HEMK2: variants seen among roughly 807,000 people sequenced by gnomAD.
HEMK2 encodes HemK methyltransferase 2, ETF1 glutamine and histone H4 lysine, also known as methyltransferase HEMK2.
chr21:28,820,481 A>G, the HEMK2 span, among the ~76,000 whole-genome samples: 1 of 152,120 alleles, frequency 6.6e-6, no homozygotes, highest in African/African-American at 2.4e-5. Context: ...CCAAGAGACC[A>G]CTGTATGTTC....
At chr21:28,739,840 G>A in the HEMK2 span, among the ~76,000 whole-genome samples, 3 of 152,152 alleles carry the variant, frequency 2.0e-5, no homozygotes, top group Non-Finnish European at 2.9e-5. Context: ...CAGGAAAGAA[G>A]GTTAAATACA....
chr21:28,851,734 T>C, the HEMK2 span, among the ~76,000 whole-genome samples: 23,621 of 152,120 alleles, frequency 0.16, 2,261 homozygotes, highest in East Asian at 0.49. Flanking sequence ...AATAGACCAG[T>C]GTTATATCTT....
chr21:28,750,287 T>G, the HEMK2 span, among the ~76,000 whole-genome samples: 1 of 152,244 alleles, frequency 6.6e-6, no homozygotes, highest in South Asian at 2.1e-4. Flanking sequence ...TAGCTGTAAG[T>G]AATCTATTCT....
the HEMK2 span, among the ~76,000 whole-genome samples, chr21:28,835,940 GA>G: frequency 0.12 from 17,181 of 147,778 alleles, 1,173 homozygotes; most frequent in South Asian, 0.18. Context: ...CAAAGACAAA[GA>G]AAAAAAAAAT....
At chr21:28,843,842 A>G in the HEMK2 span, among the ~76,000 whole-genome samples, 3 of 152,160 alleles carry the variant, frequency 2.0e-5, no homozygotes, top group Admixed American at 6.6e-5. Flanking sequence ...CCAGCTTCAC[A>G]TAGTAGTAAA....
chr21:28,785,182 A>G, the HEMK2 span, among the ~76,000 whole-genome samples: 1 of 152,130 alleles, frequency 6.6e-6, no homozygotes, highest in African/African-American at 2.4e-5. Context: ...CTCCGGACAC[A>G]CCACCTTTAA....
At chr21:28,643,328 C>T in the HEMK2 span, among the ~76,000 whole-genome samples, 1 of 152,076 alleles carries the variant, frequency 6.6e-6, no homozygotes, top group Non-Finnish European at 1.5e-5. Flanking sequence ...GGGATTAGTA[C>T]CCTTATAAAA....
At chr21:28,816,390 C>G in the HEMK2 span, among the ~76,000 whole-genome samples, 1 of 152,192 alleles carries the variant, frequency 6.6e-6, no homozygotes, top group African/African-American at 2.4e-5. Context: ...AGTTATCCAG[C>G]TGGGCACAGT....
the HEMK2 span, among the ~76,000 whole-genome samples, chr21:28,882,752 C>T: frequency 0.81 from 123,502 of 152,134 alleles, 50,880 homozygotes; most frequent in South Asian, 0.93. Context: ...TATCAAATTA[C>T]TTAGCTAAGA....
chr21:28,724,322 G>A, the HEMK2 span, among the ~76,000 whole-genome samples: 1 of 152,084 alleles, frequency 6.6e-6, no homozygotes, highest in Non-Finnish European at 1.5e-5. Context: ...TTGTTTATAA[G>A]CTTTATACCA....
At chr21:28,597,966 G>A in the HEMK2 span, among the ~76,000 whole-genome samples, 1 of 152,170 alleles carries the variant, frequency 6.6e-6, no homozygotes, top group African/African-American at 2.4e-5. Flanking sequence ...AGCAACAAAA[G>A]AAGCATGAAC....
chr21:28,880,909 A>C, the HEMK2 span, among the ~76,000 whole-genome samples: 2 of 146,484 alleles, frequency 1.4e-5, no homozygotes, highest in South Asian at 4.3e-4. Flanking sequence ...ATTCCTTCTA[A>C]GCTACAAAAT....
chr21:28,735,245 G>T, the HEMK2 span, among the ~76,000 whole-genome samples: 1 of 152,182 alleles, frequency 6.6e-6, no homozygotes, highest in Non-Finnish European at 1.5e-5. Flanking sequence ...CAGAAGTCTA[G>T]TACAATAGGA....
the HEMK2 span, among the ~76,000 whole-genome samples, chr21:28,595,308 A>T: frequency 1.3e-5 from 2 of 151,534 alleles, no homozygotes; most frequent in African/African-American, 2.4e-5. Flanking sequence ...CCGCCCCCAC[A>T]TCCCCCTAGC....
the HEMK2 span, among the ~76,000 whole-genome samples, chr21:28,827,141 C>T: frequency 6.6e-6 from 1 of 152,118 alleles, no homozygotes; most frequent in Admixed American, 6.5e-5. Flanking sequence ...GGCAGAAAGG[C>T]TACAAAGTCT....
At chr21:28,624,217 GA>G in the HEMK2 span, among the ~76,000 whole-genome samples, 2 of 152,158 alleles carry the variant, frequency 1.3e-5, no homozygotes, top group Non-Finnish European at 2.9e-5. Context: ...GAAGCACAGA[GA>G]AAAAATTACA....
chr21:28,682,963 G>C, the HEMK2 span, among the ~76,000 whole-genome samples: 1 of 151,964 alleles, frequency 6.6e-6, no homozygotes, highest in Non-Finnish European at 1.5e-5. Context: ...AAGTTAATGG[G>C]TGCAGCACAC....
chr21:28,646,231 C>T, the HEMK2 span, among the ~76,000 whole-genome samples: 1 of 152,154 alleles, frequency 6.6e-6, no homozygotes, highest in Non-Finnish European at 1.5e-5. Context: ...GCTCCTTCCT[C>T]CTGCATCAAC....
At chr21:28,695,664 C>T in the HEMK2 span, among the ~76,000 whole-genome samples, 3 of 151,986 alleles carry the variant, frequency 2.0e-5, no homozygotes, top group Non-Finnish European at 4.4e-5. Flanking sequence ...TATTACAATT[C>T]ACGGTGAGAT....
Sources: gnomAD v4.1 joint callset for allele counts (sites outside exome capture counted in the v4.1 genomes callset) on GRCh38, gnomAD v4.1.1 for gene constraint, MANE v1.5 for transcripts, NCBI Gene and HGNC (gene_info 2026-07-23, HGNC 2026-07-21) for gene names.